KIAA1217: variants seen among roughly 807,000 people sequenced by gnomAD.
KIAA1217 encodes KIAA1217.
KIAA1217 carries 88 observed loss-of-function variants against 163.9 expected under a neutral mutation model. The ratio of observed to expected loss-of-function variants is 0.54; its 90% CI spans 0.45 to 0.64. The LOEUF is 0.64. Ranked by LOEUF, KIAA1217 falls within the 30% of genes least tolerant of loss-of-function variation. KIAA1217 has a pLI of 0.00. For missense variants in KIAA1217, 2,372 were observed against 2,475.0 expected, an observed-to-expected ratio of 0.96 and a Z score of 0.88; for synonymous variants, 903 against 923.1, an observed-to-expected ratio of 0.98 and a Z score of 0.39.
chr10:24,232,916 T>C (rs1261454709), intron 2 of KIAA1217, among the ~76,000 whole-genome samples: 1 of 91,218 alleles, frequency 1.1e-5, no homozygotes, highest in Non-Finnish European at 2.0e-5. Flanking sequence ...AGGAGCAACA[T>C]GGTAAAACCT....
chr10:24,180,337 A>T (rs533405518), intron 2 of KIAA1217, among the ~76,000 whole-genome samples: 1 of 136,070 alleles, frequency 7.3e-6, no homozygotes, highest in African/African-American at 2.8e-5. Flanking sequence ...CCCAGGCTAG[A>T]GTGCAGTGGC....
chr10:24,080,316 A>T (rs1444013757), intron 2 of KIAA1217, among the ~76,000 whole-genome samples: 1 of 152,174 alleles, frequency 6.6e-6, no homozygotes, highest in Non-Finnish European at 1.5e-5. Context: ...TTTATACGGC[A>T]TTCCTGGGTC....
At chr10:24,163,309 T>G (rs2065201443) in intron 2 of KIAA1217, among the ~76,000 whole-genome samples, 2 of 152,236 alleles carry the variant, frequency 1.3e-5, no homozygotes, top group African/African-American at 4.8e-5. Context: ...GAATGCTGGT[T>G]AACCTTTTTG....
chr10:23,898,202 G>T (rs1168928234), intron 1 of KIAA1217, among the ~76,000 whole-genome samples: 1 of 151,756 alleles, frequency 6.6e-6, no homozygotes, highest in Non-Finnish European at 1.5e-5. Flanking sequence ...TTCTAACCTG[G>T]AACTCAGTTC....
intron 1 of KIAA1217, among the ~76,000 whole-genome samples, chr10:23,906,170 AGTTGCATCACTTAATATT>A (rs1294478257): frequency 6.6e-6 from 1 of 152,124 alleles, no homozygotes; most frequent in Non-Finnish European, 1.5e-5. Context: ...GGTGATTAAG[AGTTGCATCACTTAATATT>A]GTTGCATTGG....
chr10:23,756,585 G>A (rs1158812846), intron 1 of KIAA1217, among the ~76,000 whole-genome samples: 1 of 152,096 alleles, frequency 6.6e-6, no homozygotes, highest in Non-Finnish European at 1.5e-5. Context: ...CTTATGGCAT[G>A]TTACTAATGA....
At chr10:23,732,513 T>G (rs2130790938) in intron 1 of KIAA1217, among the ~76,000 whole-genome samples, 1 of 152,212 alleles carries the variant, frequency 6.6e-6, no homozygotes, top group African/African-American at 2.4e-5. Flanking sequence ...GGATGTGTGC[T>G]ATTAGTAATT....
At chr10:24,242,159 G>A (rs1055533337) in intron 2 of KIAA1217, among the ~76,000 whole-genome samples, 1 of 152,110 alleles carries the variant, frequency 6.6e-6, no homozygotes, top group African/African-American at 2.4e-5. Flanking sequence ...AGATATAGGA[G>A]GTACATGTAT....
At chr10:24,270,003 A>C (rs2076617967) in intron 2 of KIAA1217, among the ~76,000 whole-genome samples, 2 of 152,198 alleles carry the variant, frequency 1.3e-5, no homozygotes, top group Admixed American at 6.5e-5. Context: ...GTATGGAAGA[A>C]TCGCCCCCTG....
At chr10:24,408,827 G>T (rs1238162279) in intron 3 of KIAA1217, among the ~76,000 whole-genome samples, 1 of 152,032 alleles carries the variant, frequency 6.6e-6, no homozygotes, top group African/African-American at 2.4e-5. Flanking sequence ...TCTCTAACCT[G>T]CCTTATTTCC....
At chr10:24,326,625 G>C (rs540674610) in intron 2 of KIAA1217, among the ~76,000 whole-genome samples, 299 of 152,092 alleles carry the variant, frequency 2.0e-3, no homozygotes, top group African/African-American at 7.0e-3. Context: ...TTTTCAATTT[G>C]TCAGTCATAT....
At position 24,460,421 on chromosome 10, in the gene KIAA1217, A is replaced by G. The variant is rs74125420; in HGVS notation, c.847-12807A>G. Among the ~76,000 whole-genome samples, 681 of 152,330 alleles carry G rather than the reference A, an allele frequency of 4.5e-3. 1 individual carries two copies. The highest frequency in any genetic ancestry group is 0.016 in the African/African-American group (652 of 41,582). ...TGGAGCAGGCGGCTCTTCTGAACCC[A>G]GGAAGAATGGGCATGAGGGCTTTTT... On this transcript the variant is annotated intron_variant, in intron 5 of 20. Transcript: ENST00000376454.
intron 2 of KIAA1217, among the ~76,000 whole-genome samples, chr10:24,118,217 C>T (rs1430567116): frequency 2.0e-5 from 3 of 151,476 alleles, no homozygotes; most frequent in Non-Finnish European, 2.9e-5. Flanking sequence ...AACGTCCTTA[C>T]GTGCATTTCT....
intron 5 of KIAA1217, among the ~76,000 whole-genome samples, chr10:24,440,283 T>C (rs912889164): frequency 6.6e-6 from 1 of 152,238 alleles, no homozygotes; most frequent in African/African-American, 2.4e-5. Context: ...ATGGACTAAA[T>C]ATTACAGCAC....
chr10:24,106,825 CAT>C (rs1225015060), intron 2 of KIAA1217, among the ~76,000 whole-genome samples: 1 of 152,124 alleles, frequency 6.6e-6, no homozygotes, highest in Non-Finnish European at 1.5e-5. Flanking sequence ...CCAGTTATTT[CAT>C]CACCAATTCT....
At chr10:23,909,316 G>A (rs1029657066) in intron 1 of KIAA1217, among the ~76,000 whole-genome samples, 1 of 151,556 alleles carries the variant, frequency 6.6e-6, no homozygotes, top group South Asian at 2.1e-4. Context: ...ACTTACTAAT[G>A]TAACCAAACA....
chr10:24,449,629 G>T lies in KIAA1217; in HGVS notation c.846+11150G>T. 4 of 985,344 alleles carry T rather than the reference G, an allele frequency of 4.1e-6. No homozygotes were observed. The East Asian group carries it at 4.5e-4, about 112-fold the overall frequency. 61.0% of individuals were successfully genotyped at this position (985,344 alleles called of 1,614,324 possible). On this transcript the variant is annotated intron_variant, in intron 5 of 20. Coordinates refer to ENST00000376454, the MANE Select transcript of KIAA1217 (RefSeq NM_019590.5). ...ATATTTTGACTAAAAGCTTCCTTCT[G>T]TAAAAAACCCAAGGCTTGCATTTAG... is the stretch of plus-strand genomic sequence containing the variant.
At chr10:24,359,078 CTTTCTTTTT>C (rs1258767354) in intron 2 of KIAA1217, among the ~76,000 whole-genome samples, 1 of 81,400 alleles carries the variant, frequency 1.2e-5, no homozygotes, top group Non-Finnish European at 2.9e-5. Flanking sequence ...TTCTTTCTTT[CTTTCTTTTT>C]TTTTTTTTTT....
At chr10:24,461,757 G>A (rs536108948) in intron 5 of KIAA1217, among the ~76,000 whole-genome samples, 43 of 152,146 alleles carry the variant, frequency 2.8e-4, no homozygotes, top group Middle Eastern at 3.4e-3. Flanking sequence ...TAATTCTCAC[G>A]TTGTTGTAAT....
Sources: gnomAD v4.1 joint callset for allele counts (sites outside exome capture counted in the v4.1 genomes callset) on GRCh38, gnomAD v4.1.1 for gene constraint, MANE v1.5 for transcripts, NCBI Gene and HGNC (gene_info 2026-07-23, HGNC 2026-07-21) for gene names.